ANKRD17: variants seen among roughly 807,000 people sequenced by gnomAD.
The protein encoded by ANKRD17 is ankyrin repeat domain 17.
In ANKRD17, 19 loss-of-function variants were observed where a neutral mutation model predicts 229.7. The ratio of observed to expected loss-of-function variants is 0.08; its 90% CI spans 0.06 to 0.12. The LOEUF (loss-of-function observed/expected upper bound fraction) is 0.12, where lower values mean the gene tolerates loss of function less well. ANKRD17 is among the 10% of genes least tolerant of loss of function. The probability of loss-of-function intolerance (pLI) is 1.00; values close to 1 mark genes in which losing one functional copy is unlikely to be tolerated. For synonymous variants in ANKRD17, 1,112 were observed against 1,146.1 expected (o/e 0.97, Z 0.60); for missense variants, 2,176 against 3,176.8 (o/e 0.68, Z 7.57).
At chr4:73,242,258 G>A (rs1281254010) in intron 1 of ANKRD17, among the ~76,000 whole-genome samples, 1 of 152,044 alleles carries the variant, frequency 6.6e-6, no homozygotes, top group South Asian at 2.1e-4. Flanking sequence ...CTGAATACAA[G>A]AATTCAGTTT....
chr4:73,111,030 G>C (rs904158047), intron 24 of ANKRD17, among the ~76,000 whole-genome samples: 6 of 152,128 alleles, frequency 3.9e-5, no homozygotes, highest in Non-Finnish European at 8.8e-5. Context: ...ATGGTACTAG[G>C]AAAGTATTCT....
At chr4:73,194,104 G>T (rs1363667478) in intron 1 of ANKRD17, among the ~76,000 whole-genome samples, 3 of 152,092 alleles carry the variant, frequency 2.0e-5, no homozygotes, top group African/African-American at 7.2e-5. Flanking sequence ...AAGAACAAAA[G>T]TTTTTAATTT....
chr4:73,086,409 T>TA (rs1722129863), intron 29 of ANKRD17, among the ~76,000 whole-genome samples: 1 of 152,120 alleles, frequency 6.6e-6, no homozygotes, highest in South Asian at 2.1e-4. Context: ...GGGATAAAGA[T>TA]AAAACATTTA....
At chr4:73,143,605 T>C (rs1729876293) in intron 11 of ANKRD17, among the ~76,000 whole-genome samples, 1 of 152,230 alleles carries the variant, frequency 6.6e-6, no homozygotes, top group South Asian at 2.1e-4. Context: ...CATGGGAAAA[T>C]GTTGAAAGTA....
rs779262974 is a variant in ANKRD17, at chr4:73,077,056, G to T, written c.7636C>A (p.Pro2546Thr). ...GGTCCTCCAGCACCATCAGGGATAG[G>T]TGCTACTGGAGGAATCATTGCATTC... ...YGNAMIPPVA[P>T]IPDGAGGPIF... Residue 2546 changes from proline to threonine, a missense_variant, in exon 33 of 34, where the codon CCT (proline) becomes ACT (threonine). Physicochemically the swap from Pro to Thr is conservative, Grantham distance 38 (BLOSUM62 -1). This residue lies in a region of ANKRD17 where 159 missense variants were observed against 214.3 expected (regional missense o/e 0.74). Coordinates refer to ENST00000358602, the MANE Select transcript of ANKRD17 (RefSeq NM_032217.5). 3 of 1,612,636 alleles carry T rather than the reference G, an allele frequency of 1.9e-6. No individual in the cohort carries two copies. Among genetic ancestry groups the T allele is most frequent in the South Asian group, 2.2e-5 (2 of 90,688 alleles).
At chr4:73,151,895 G>A (rs1014726505) in intron 6 of ANKRD17, among the ~76,000 whole-genome samples, 2 of 152,112 alleles carry the variant, frequency 1.3e-5, no homozygotes, top group East Asian at 3.9e-4. Context: ...CTGAGATAAT[G>A]ATCAGTCAAG....
intron 25 of ANKRD17, among the ~76,000 whole-genome samples, chr4:73,101,517 T>G (rs1723980268): frequency 6.6e-6 from 1 of 151,692 alleles, no homozygotes; most frequent in African/African-American, 2.4e-5. Context: ...ATACAAAAAT[T>G]AGGGGGACAT....
At chr4:73,100,007 C>G (rs1723770176) in intron 25 of ANKRD17, among the ~76,000 whole-genome samples, 1 of 152,156 alleles carries the variant, frequency 6.6e-6, no homozygotes, top group African/African-American at 2.4e-5. Context: ...GCACCAATAA[C>G]AAGGAGCTCA....
intron 10 of ANKRD17, 71 bp from the exon 11 acceptor site, chr4:73,144,903 A>T: frequency 9.0e-7 from 1 of 1,114,398 alleles, no homozygotes. Context: ...CATGGAAATC[A>T]AAAGGAAAAT....
intron 30 of ANKRD17, among the ~76,000 whole-genome samples, chr4:73,082,707 T>C (rs538763534): frequency 6.6e-6 from 1 of 152,302 alleles, no homozygotes; most frequent in Admixed American, 6.5e-5. Context: ...AACTGGCTTG[T>C]AGTCTTCATA....
chr4:73,099,126 C>A, intron 25 of ANKRD17: 1 of 726,906 alleles, frequency 1.4e-6, no homozygotes, highest in Admixed American at 2.0e-5. Context: ...TGGCAGGAGT[C>A]CTCAGAGGAG....
chr4:73,246,950 C>A (rs964217818), intron 1 of ANKRD17, among the ~76,000 whole-genome samples: 1 of 152,070 alleles, frequency 6.6e-6, no homozygotes, highest in Non-Finnish European at 1.5e-5. Flanking sequence ...TGAGGAAGTT[C>A]TCCAGAAGTC....
At chr4:73,187,834 G>A (rs1157025487) in intron 1 of ANKRD17, among the ~76,000 whole-genome samples, 2 of 152,124 alleles carry the variant, frequency 1.3e-5, no homozygotes, top group Admixed American at 6.6e-5. Context: ...ATGAAAGCCA[G>A]GATTCAAATG....
At chr4:73,243,113 T>A (rs1744191841) in intron 1 of ANKRD17, among the ~76,000 whole-genome samples, 1 of 152,118 alleles carries the variant, frequency 6.6e-6, no homozygotes, top group African/African-American at 2.4e-5. Flanking sequence ...CTAGAAAGTC[T>A]GCATGTTTCA....
intron 15 of ANKRD17, among the ~76,000 whole-genome samples, chr4:73,137,933 C>T (rs956492310): frequency 2.6e-5 from 4 of 152,084 alleles, no homozygotes; most frequent in Non-Finnish European, 4.4e-5. Flanking sequence ...TTGTTGACAA[C>T]TATGCATGCC....
chr4:73,179,509 TA>T (rs1560665854), intron 1 of ANKRD17, among the ~76,000 whole-genome samples: 3 of 85,050 alleles, frequency 3.5e-5, no homozygotes, highest in Non-Finnish European at 7.5e-5. Context: ...TATATATATA[TA>T]TATATATATT....
At chr4:73,096,036 A>G (rs1050348516) in intron 27 of ANKRD17, among the ~76,000 whole-genome samples, 4 of 152,208 alleles carry the variant, frequency 2.6e-5, no homozygotes, top group African/African-American at 7.2e-5. Context: ...AAAGAAATAC[A>G]GTATAAAGTT....
chr4:73,258,523 G>C lies in ANKRD17; in HGVS notation c.146C>G (p.Ser49Trp). ...GACTCGCACCATCCCACGAGGAGAC[G>C]AGGCCGAGCGAGCTCTGCTGCTGCC... Reference protein sequence around the residue: ...VGGSSRARSASSPRGMVRVCD... With the variant: ...VGGSSRARSAWSPRGMVRVCD... The change falls in exon 1 of 34, where the codon TCG (serine) becomes TGG (tryptophan). Residue 49 changes from serine (S) to tryptophan (W), a missense_variant. This residue lies in a region of ANKRD17 where 196 missense variants were observed against 190.0 expected (regional missense o/e 1.03). Transcript: ENST00000358602. The C allele has an allele frequency of 6.5e-7, 1 of 1,536,380 alleles. No individual in the cohort carries two copies. The highest frequency in any genetic ancestry group is 8.7e-7 in the Non-Finnish European group (1 of 1,144,810).
At chr4:73,145,561 A>G (rs1273482032) in intron 10 of ANKRD17, among the ~76,000 whole-genome samples, 2 of 152,068 alleles carry the variant, frequency 1.3e-5, no homozygotes, top group Non-Finnish European at 2.9e-5. Context: ...TTCACATCTG[A>G]TGAACAATTT....
Sources: gnomAD v4.1 joint callset for allele counts (sites outside exome capture counted in the v4.1 genomes callset) on GRCh38, gnomAD v4.1.1 for gene constraint, gnomAD v4.1.1 regional missense constraint, MANE v1.5 for transcripts, NCBI Gene and HGNC (gene_info 2026-07-23, HGNC 2026-07-21) for gene names.